The following AS3MT variants were observed in gnomAD, a reference collection of about 807,000 sequenced individuals.
AS3MT encodes the protein arsenite methyltransferase, also known as S-adenosyl-L-methionine:arsenic(III) methyltransferase.
AS3MT carries 47 observed loss-of-function variants against 45.3 expected under a neutral mutation model. The ratio of observed to expected loss-of-function variants is 1.04; its 90% confidence interval spans 0.82 to 1.32. The LOEUF (loss-of-function observed/expected upper bound fraction) is 1.32. Among genes scored for constraint, AS3MT ranks in the 40% most tolerant of loss-of-function variants. AS3MT has a pLI of 0.00. For synonymous variants in AS3MT, 141 were observed against 152.8 expected, an observed-to-expected ratio of 0.92 and a Z score of 0.57; for missense variants, 396 against 451.1, an observed-to-expected ratio of 0.88 and a Z score of 1.11.
At position 102,876,940 on chromosome 10, in the gene AS3MT, T is replaced by C; in HGVS notation, c.529-14T>C. 1.2e-6 allele frequency: 2 copies of C among 1,613,320 alleles called. No homozygotes were observed. ...ATTAATCATCTTGTTTGGACTAATA[T>C]GCCTCTGTTTCAGCATGGTGGGGAG... is the stretch of plus-strand genomic sequence containing the variant. On this transcript the variant is annotated splice_polypyrimidine_tract_variant and intron_variant, in intron 6 of 10. Transcript: ENST00000369880.
intron 10 of AS3MT, among the ~76,000 whole-genome samples, chr10:102,892,517 T>G (rs1266271525): frequency 6.6e-6 from 1 of 152,154 alleles, no homozygotes; most frequent in African/African-American, 2.4e-5. Context: ...GGTTATTATG[T>G]GTGTGGCACC....
rs1050063566 is a variant in AS3MT, at chr10:102,900,967, G to C, written c.*267G>C. ...CTGGGCATGGTGGTGCACACCTATA[G>C]TCTCAGCTACTCGGGAGGCTGAGGC... On this transcript the variant is annotated 3_prime_UTR_variant, in exon 11 of 11. Coordinates refer to ENST00000369880, the MANE Select transcript of AS3MT (RefSeq NM_020682.4). 1 of 286,556 alleles carries C rather than the reference G, an allele frequency of 3.5e-6. No individual in the cohort carries two copies. The highest frequency in any genetic ancestry group is 6.8e-6 in the Non-Finnish European group (1 of 148,124). 17.8% of individuals were successfully genotyped at this position (286,556 alleles called of 1,614,324 possible).
chr10:102,887,481 G>C (rs1024324869), intron 9 of AS3MT, among the ~76,000 whole-genome samples: 1 of 152,052 alleles, frequency 6.6e-6, no homozygotes, highest in Non-Finnish European at 1.5e-5. Context: ...ATTAATGTTT[G>C]CTTTATATAC....
At chr10:102,870,709 C>G (rs1040215973) in intron 3 of AS3MT, among the ~76,000 whole-genome samples, 1 of 152,198 alleles carries the variant, frequency 6.6e-6, no homozygotes, top group Non-Finnish European at 1.5e-5. Flanking sequence ...TGACCCTTCC[C>G]TTCCTCACTC....
At position 102,873,222 on chromosome 10, in the gene AS3MT, T is replaced by C. The variant is rs749209545; in HGVS notation, c.447T>C (p.His149=). ...AGGCTGGAATCAAGAATGAGAGCCA[T>C]GATATTGTTGTGTAGGTCTATATTC... ...LGEAGIKNES[H]DIVVSNCVIN... Residue 149 remains histidine (H), a synonymous_variant, in exon 5 of 11, where the codon CAT becomes CAC. Transcript: ENST00000369880. 6.2e-7 allele frequency: 1 copy of C among 1,602,248 alleles called. No individual in the cohort carries two copies. The highest frequency in any genetic ancestry group is 8.5e-7 in the Non-Finnish European group (1 of 1,176,732).
intron 7 of AS3MT, among the ~76,000 whole-genome samples, chr10:102,877,679 C>T (rs1844805459): frequency 1.3e-5 from 2 of 150,956 alleles, no homozygotes; most frequent in African/African-American, 4.9e-5. Context: ...TCAGGTACAG[C>T]CTGGGTGTCA....
chr10:102,880,562 G>T lies in AS3MT; in HGVS notation c.885+1571G>T, dbSNP rs145363438. ...ATTCTTAATTCTATTAGGAAAAAAA[G>T]CAACAAAAAAACCAGACCTCAAGTC... is the stretch of plus-strand genomic sequence containing the variant. On this transcript the variant is annotated intron_variant, in intron 9 of 10. Transcript: ENST00000369880. Among the ~76,000 whole-genome samples the T allele has an allele frequency of 2.2e-3, 342 of 152,126 alleles. 4 individuals carry two copies. Among genetic ancestry groups the T allele is most frequent in the African/African-American group, 7.8e-3 (324 of 41,522 alleles).
intron 10 of AS3MT, among the ~76,000 whole-genome samples, chr10:102,894,565 T>C (rs1426431837): frequency 2.0e-5 from 3 of 152,212 alleles, no homozygotes; most frequent in Non-Finnish European, 4.4e-5. Flanking sequence ...AAGGAGAAGT[T>C]TGGACATGCC....
chr10:102,877,774 A>G (rs1453929199), intron 7 of AS3MT, among the ~76,000 whole-genome samples: 3 of 118,030 alleles, frequency 2.5e-5, no homozygotes, highest in Non-Finnish European at 5.1e-5. Context: ...TTTTTTTGAG[A>G]TGGAGTCTCG....
At chr10:102,878,770 G>A (rs952776002) in intron 8 of AS3MT, 79 bp from the exon 9 acceptor site, 14 of 1,514,696 alleles carry the variant, frequency 9.2e-6, no homozygotes, top group African/African-American at 7.0e-5. Flanking sequence ...TCTTTATAAC[G>A]TGTTTGCTCC....
intron 7 of AS3MT, among the ~76,000 whole-genome samples, chr10:102,877,674 T>A (rs1844805282): frequency 6.6e-6 from 1 of 150,456 alleles, no homozygotes; most frequent in Non-Finnish European, 1.5e-5. Flanking sequence ...GGAGTTCAGG[T>A]ACAGCCTGGG....
chr10:102,877,295 G>A (rs1844797547), intron 7 of AS3MT, among the ~76,000 whole-genome samples: 1 of 152,162 alleles, frequency 6.6e-6, no homozygotes, highest in African/African-American at 2.4e-5. Flanking sequence ...GATTAAATGG[G>A]ATAAAGAATG....
At chr10:102,879,095 G>A in intron 9 of AS3MT, 104 bp downstream of exon 9, 2 of 1,290,440 alleles carry the variant, frequency 1.5e-6, no homozygotes, top group Non-Finnish European at 2.1e-6. Context: ...TCTGGTGTTG[G>A]TTTGTTTGTG....
chr10:102,874,197 G>A (rs1844742937), intron 5 of AS3MT, among the ~76,000 whole-genome samples: 1 of 151,748 alleles, frequency 6.6e-6, no homozygotes. Context: ...AGGTTGCAAT[G>A]AGCCGAGATT....
At chr10:102,897,242 G>A (rs943724115) in intron 10 of AS3MT, among the ~76,000 whole-genome samples, 2 of 151,622 alleles carry the variant, frequency 1.3e-5, no homozygotes, top group Admixed American at 6.6e-5. Flanking sequence ...AAATTAGCCG[G>A]GCGTGGTGGC....
At chr10:102,899,670 T>C (rs1165349615) in intron 10 of AS3MT, among the ~76,000 whole-genome samples, 1 of 113,218 alleles carries the variant, frequency 8.8e-6, no homozygotes, top group Non-Finnish European at 2.0e-5. Flanking sequence ...ATGTTCATGC[T>C]TTTTTTTTTT....
At chr10:102,892,595 A>G (rs536423659) in intron 10 of AS3MT, among the ~76,000 whole-genome samples, 28 of 152,314 alleles carry the variant, frequency 1.8e-4, no homozygotes, top group African/African-American at 6.5e-4. Flanking sequence ...TATTACTGAG[A>G]GGATATAAAG....
At chr10:102,878,280 T>A (rs1844818873) in intron 7 of AS3MT, 99 bp from the exon 8 acceptor site, 1 of 1,483,018 alleles carries the variant, frequency 6.7e-7, no homozygotes, top group Non-Finnish European at 9.0e-7. Context: ...ATGTTTTAAC[T>A]AATACCATGT....
At chr10:102,895,584 T>C (rs1006889297) in intron 10 of AS3MT, among the ~76,000 whole-genome samples, 11 of 152,158 alleles carry the variant, frequency 7.2e-5, no homozygotes, top group African/African-American at 2.7e-4. Flanking sequence ...TTTAAATGCA[T>C]TGGTCTCTTA....
Sources: gnomAD v4.1 joint callset for allele counts (sites outside exome capture counted in the v4.1 genomes callset) on GRCh38, gnomAD v4.1.1 for gene constraint, MANE v1.5 for transcripts, NCBI Gene and HGNC (gene_info 2026-07-23, HGNC 2026-07-21) for gene names.